TTC17: variants seen among roughly 807,000 people sequenced by gnomAD.
TTC17 encodes tetratricopeptide repeat protein 17.
Under a neutral mutation model 143.8 loss-of-function variants are expected in TTC17, and 58 were observed. That is an observed-to-expected ratio of 0.40 (90% CI 0.33 to 0.50). TTC17 has a LOEUF of 0.50. Ranked by LOEUF, TTC17 falls within the 20% of genes least tolerant of loss-of-function variation. TTC17 has a pLI of 0.49. For missense variants in TTC17, 1,273 were observed against 1,392.5 expected, an observed-to-expected ratio of 0.91 and a Z score of 1.37; for synonymous variants, 501 against 497.8, an observed-to-expected ratio of 1.01 and a Z score of -0.09.
At position 43,493,794 on chromosome 11, in the gene TTC17, G is replaced by T; in HGVS notation, c.3316G>T (p.Val1106Leu). Residue 1106 changes from valine to leucine, a missense_variant, in exon 24 of 24, where the codon GTG becomes TTG. Val to Leu is a conservative substitution (Grantham distance 32). This residue lies in a region of TTC17 where 878 missense variants were observed against 899.8 expected (regional missense o/e 0.98). Coordinates refer to ENST00000039989, the MANE Select transcript of TTC17 (RefSeq NM_018259.6). The part of the protein sequence containing the change: ...VAMEEFEKAL[V>L]WYESTLKLQP... Reference sequence around the variant, plus strand: ...ACAGGAAGAATTTGAAAAAGCACTGGTGTGGTATGAATCCACATTGAAGCT... The same window carrying T: ...ACAGGAAGAATTTGAAAAAGCACTGTTGTGGTATGAATCCACATTGAAGCT... 2.5e-6 allele frequency: 4 copies of T among 1,614,042 alleles called. No homozygotes were observed. In the South Asian group the frequency reaches 4.4e-5, roughly 18 times the overall value.
intron 15 of TTC17, 121 bp downstream of exon 15, chr11:43,407,698 G>T: frequency 1.1e-6 from 1 of 923,394 alleles, no homozygotes; most frequent in South Asian, 1.9e-5. Flanking sequence ...TCACAGTAGC[G>T]TTTGCATTAT....
intron 5 of TTC17, among the ~76,000 whole-genome samples, chr11:43,393,583 C>T (rs1565142057): frequency 6.6e-6 from 1 of 152,108 alleles, no homozygotes; most frequent in Non-Finnish European, 1.5e-5. Context: ...GAGTGATGAA[C>T]TCAATCTCTA....
chr11:43,412,903 A>G (rs529115300), intron 15 of TTC17, among the ~76,000 whole-genome samples: 2 of 151,932 alleles, frequency 1.3e-5, no homozygotes, highest in African/African-American at 4.8e-5. Flanking sequence ...ATCTCAGTCA[A>G]ACACCTAGTA....
In TTC17 at chr11:43,389,783, T is replaced by C; in HGVS notation, c.381T>C (p.Tyr127=). ...AKVPLGDLDL[Y]DGTYITLESK... ...TGCCCTTAGGGGACCTGGATCTATA[T>C]GATGGCACATACATAACTTTGGAGA... The change falls in exon 3 of 24, where the codon TAT becomes TAC. Residue 127 remains tyrosine (Y), a synonymous_variant. Coordinates refer to ENST00000039989, the MANE Select transcript of TTC17 (RefSeq NM_018259.6). The C allele has an allele frequency of 6.2e-7, 1 of 1,613,232 alleles. No individual in the cohort carries two copies. The highest frequency in any genetic ancestry group is 8.5e-7 in the Non-Finnish European group (1 of 1,179,778).
chr11:43,363,857 G>A lies in TTC17; in HGVS notation c.159+4744G>A, dbSNP rs571669889. Among the ~76,000 whole-genome samples, 132 of 152,024 alleles carry A rather than the reference G, an allele frequency of 8.7e-4. 2 individuals carry two copies. Among genetic ancestry groups the A allele is most frequent in the Admixed American group, 2.8e-3 (42 of 15,250 alleles). On this transcript the variant is annotated intron_variant, in intron 1 of 23. Transcript: ENST00000039989. ...TGAAGGACTACAAAGAAACATAAAA[G>A]CAAAAATGAAAATAATGAAGTAAAG...
chr11:43,396,821 A>G lies in TTC17; in HGVS notation c.773+3A>G. 6.3e-7 allele frequency: 1 copy of G among 1,578,140 alleles called. No individual in the cohort carries two copies. Among genetic ancestry groups the G allele is most frequent in the Non-Finnish European group, 8.7e-7 (1 of 1,150,552 alleles). ...CGAGCACTTCACTTCTCTTCCAGGT[A>G]AGATTCCTCCTCTTCTGGACCTGAT... On this transcript the variant is annotated splice_donor_region_variant and intron_variant, in intron 6 of 23. Coordinates refer to ENST00000039989, the MANE Select transcript of TTC17 (RefSeq NM_018259.6).
chr11:43,428,282 T>G (rs1373125942), intron 16 of TTC17, among the ~76,000 whole-genome samples: 4 of 151,590 alleles, frequency 2.6e-5, no homozygotes, highest in African/African-American at 9.8e-5. Flanking sequence ...TTCCCTAGGC[T>G]GAAGTAAGCC....
chr11:43,396,836 C>A lies in TTC17; in HGVS notation c.773+18C>A. 6.6e-7 allele frequency: 1 copy of A among 1,521,202 alleles called. No individual in the cohort carries two copies. Among genetic ancestry groups the A allele is most frequent in the Non-Finnish European group, 9.1e-7 (1 of 1,102,780 alleles). The allele number at this position is 1,521,202 out of a possible 1,614,324, so 94.2% of individuals were successfully genotyped here. On this transcript the variant is annotated intron_variant, in intron 6 of 23. Coordinates refer to ENST00000039989, the MANE Select transcript of TTC17 (RefSeq NM_018259.6). ...TCTTCCAGGTAAGATTCCTCCTCTT[C>A]TGGACCTGATTTTCCACATTCCTCA...
At chr11:43,448,393 T>C (rs1156607981) in intron 19 of TTC17, among the ~76,000 whole-genome samples, 10 of 152,128 alleles carry the variant, frequency 6.6e-5, no homozygotes, top group Admixed American at 5.9e-4. Context: ...GAAGACTGGA[T>C]CCTCTCTATA....
At chr11:43,417,729 G>A (rs949292874) in intron 16 of TTC17, among the ~76,000 whole-genome samples, 1 of 152,152 alleles carries the variant, frequency 6.6e-6, no homozygotes, top group African/African-American at 2.4e-5. Flanking sequence ...CCAGCTACTC[G>A]GGAGGCTGAG....
intron 2 of TTC17, 136 bp downstream of exon 2, chr11:43,379,458 ATGTGTGTGTG>A (rs72448738): frequency 1.6e-5 from 10 of 623,312 alleles, no homozygotes; most frequent in East Asian, 2.9e-5. Context: ...ACTACCTGCA[ATGTGTGTGTG>A]TGTGTGTGTG....
intron 5 of TTC17, 25 bp downstream of exon 5, chr11:43,391,977 C>T (rs777012272): frequency 1.3e-6 from 2 of 1,581,014 alleles, no homozygotes; most frequent in Admixed American, 4.0e-5. Context: ...ACTTAAAGAG[C>T]CAGCGGGCTG....
At chr11:43,482,047 T>C (rs1948297280) in intron 21 of TTC17, among the ~76,000 whole-genome samples, 1 of 152,060 alleles carries the variant, frequency 6.6e-6, no homozygotes, top group Admixed American at 6.6e-5. Context: ...TGAGCTCCAG[T>C]GATCCACCCA....
chr11:43,396,950 C>T (rs1565143988), intron 6 of TTC17, 132 bp downstream of exon 6: 5 of 473,120 alleles, frequency 1.1e-5, no homozygotes, highest in Non-Finnish European at 1.8e-5. Context: ...AGAAATAAGT[C>T]CCACCACAAA....
chr11:43,397,158 A>G (rs1857627850), intron 6 of TTC17, 189 bp from the exon 7 acceptor site: 2 of 587,838 alleles, frequency 3.4e-6, no homozygotes, highest in East Asian at 2.8e-5. Flanking sequence ...AGTGTCTGCA[A>G]TACCTTATTT....
chr11:43,429,724 T>C (rs1379484087), intron 16 of TTC17, among the ~76,000 whole-genome samples: 1 of 152,180 alleles, frequency 6.6e-6, no homozygotes, highest in African/African-American at 2.4e-5. Flanking sequence ...CTGCATAATT[T>C]TGAGTGCAGT....
rs1484820181 is a variant in TTC17, at chr11:43,401,442, C to G, written c.1220-4C>G. On this transcript the variant is annotated splice_polypyrimidine_tract_variant and splice_region_variant and intron_variant, in intron 9 of 23. Coordinates refer to ENST00000039989, the MANE Select transcript of TTC17 (RefSeq NM_018259.6). ...CATTTGTGTAATTTCCTTTCTTATT[C>G]CAGGAAATCATCAGATATGCCGACT... 1 of 1,595,962 alleles carries G rather than the reference C, an allele frequency of 6.3e-7. No individual in the cohort carries two copies. Among genetic ancestry groups the G allele is most frequent in the Non-Finnish European group, 8.6e-7 (1 of 1,168,386 alleles).
chr11:43,384,242 A>G (rs1452791727), intron 2 of TTC17, among the ~76,000 whole-genome samples: 1 of 152,180 alleles, frequency 6.6e-6, no homozygotes, highest in Non-Finnish European at 1.5e-5. Context: ...CTACTATGCA[A>G]ATGCTAAGCA....
chr11:43,489,297 T>C (rs906826661), intron 21 of TTC17, among the ~76,000 whole-genome samples: 11 of 152,108 alleles, frequency 7.2e-5, no homozygotes, highest in Non-Finnish European at 1.3e-4. Context: ...GGAAGAATGG[T>C]CAACTCTACT....
Sources: allele counts gnomAD v4.1 joint callset (sites outside exome capture counted in the v4.1 genomes callset), GRCh38; gene constraint gnomAD v4.1.1; regional missense constraint gnomAD v4.1.1; transcripts MANE v1.5; gene names NCBI Gene and HGNC (gene_info 2026-07-23, HGNC 2026-07-21).